PCDH7: variants seen among roughly 807,000 people sequenced by gnomAD.
PCDH7 encodes protocadherin-7.
A neutral mutation model predicts 58.9 loss-of-function variants in PCDH7; 17 were observed. That is an observed-to-expected ratio of 0.29 (90% CI 0.20 to 0.43). The LOEUF is 0.43. Among genes scored for constraint, PCDH7 ranks in the 20% least tolerant of loss-of-function variants. The pLI, the probability that PCDH7 is intolerant of heterozygous loss-of-function variation, is 1.00. For missense variants in PCDH7, 1,274 were observed against 1,441.0 expected, an observed-to-expected ratio of 0.88 and a Z score of 1.88; for synonymous variants, 664 against 616.4, an observed-to-expected ratio of 1.08 and a Z score of -1.14.
At chr4:30,744,829 G>C (rs1465402630) in intron 1 of PCDH7, among the ~76,000 whole-genome samples, 2 of 152,166 alleles carry the variant, frequency 1.3e-5, no homozygotes, top group East Asian at 3.9e-4. Context: ...ATTGCTAATG[G>C]ATTAATTCTT....
At chr4:31,009,680 A>G (rs1177573557) in intron 3 of PCDH7, among the ~76,000 whole-genome samples, 1 of 151,896 alleles carries the variant, frequency 6.6e-6, no homozygotes, top group Non-Finnish European at 1.5e-5. Flanking sequence ...TCTACACAGC[A>G]AGAATGTAGG....
intron 3 of PCDH7, among the ~76,000 whole-genome samples, chr4:31,022,544 G>T (rs1463562588): frequency 6.6e-6 from 1 of 152,090 alleles, no homozygotes; most frequent in African/African-American, 2.4e-5. Context: ...TAATTGAAAC[G>T]TACTCTTGGA....
intron 1 of PCDH7, among the ~76,000 whole-genome samples, chr4:30,845,457 C>G (rs187545187): frequency 2.1e-3 from 316 of 152,178 alleles, no homozygotes; most frequent in Middle Eastern, 0.01. Flanking sequence ...TATAATACAT[C>G]TAAATATTAT....
chr4:31,031,538 G>A (rs1355078839), intron 3 of PCDH7, among the ~76,000 whole-genome samples: 2 of 152,210 alleles, frequency 1.3e-5, no homozygotes, highest in African/African-American at 4.8e-5. Context: ...GATAGTTTAT[G>A]AATGGATGCG....
At chr4:30,899,188 A>G (rs1739869778) in intron 1 of PCDH7, among the ~76,000 whole-genome samples, 1 of 152,142 alleles carries the variant, frequency 6.6e-6, no homozygotes, top group African/African-American at 2.4e-5. Context: ...TTTACGCTAC[A>G]GATTTTGAGA....
intron 1 of PCDH7, among the ~76,000 whole-genome samples, chr4:30,897,278 C>G (rs1739574934): frequency 6.6e-6 from 1 of 152,130 alleles, no homozygotes; most frequent in Non-Finnish European, 1.5e-5. Flanking sequence ...ATTGAAAGTG[C>G]TTCGAAGATA....
At chr4:31,019,046 T>G (rs1480428677) in intron 3 of PCDH7, among the ~76,000 whole-genome samples, 1 of 152,164 alleles carries the variant, frequency 6.6e-6, no homozygotes, top group Non-Finnish European at 1.5e-5. Context: ...GAAATATGTA[T>G]CACAGGTAAA....
At chr4:30,798,501 G>T (rs1016672658) in intron 1 of PCDH7, among the ~76,000 whole-genome samples, 4 of 152,102 alleles carry the variant, frequency 2.6e-5, no homozygotes, top group African/African-American at 9.7e-5. Flanking sequence ...TTAAGTTGAG[G>T]AATAAGTATA....
At chr4:30,860,978 G>T (rs1203224705) in intron 1 of PCDH7, among the ~76,000 whole-genome samples, 3 of 152,002 alleles carry the variant, frequency 2.0e-5, no homozygotes, top group Admixed American at 6.6e-5. Flanking sequence ...AACTATTTTT[G>T]GATCTATATA....
chr4:30,746,739 T>C (rs1202461804), intron 1 of PCDH7, among the ~76,000 whole-genome samples: 1 of 152,222 alleles, frequency 6.6e-6, no homozygotes, highest in Non-Finnish European at 1.5e-5. Flanking sequence ...GAAAATTGAC[T>C]TGATGCCAAA....
chr4:30,941,565 G>A (rs1746043514), intron 2 of PCDH7, among the ~76,000 whole-genome samples: 1 of 151,940 alleles, frequency 6.6e-6, no homozygotes, highest in Non-Finnish European at 1.5e-5. Flanking sequence ...GAGGTAACAA[G>A]TTGTAAAAAC....
intron 1 of PCDH7, among the ~76,000 whole-genome samples, chr4:30,739,255 C>T (rs1716757433): frequency 6.7e-6 from 1 of 148,924 alleles, no homozygotes; most frequent in Admixed American, 6.7e-5. Context: ...AGGGGAAATT[C>T]CTCCTTCTTT....
intron 1 of PCDH7, among the ~76,000 whole-genome samples, chr4:30,750,805 G>A (rs902102056): frequency 1.3e-5 from 2 of 151,990 alleles, no homozygotes; most frequent in African/African-American, 2.4e-5. Context: ...AGTGTAACGC[G>A]AAAGACAGTC....
intron 1 of PCDH7, among the ~76,000 whole-genome samples, chr4:30,835,235 A>G (rs952112475): frequency 1.3e-5 from 2 of 152,004 alleles, no homozygotes; most frequent in African/African-American, 4.8e-5. Context: ...CGGGCCACGA[A>G]CCGGTCCAGG....
chr4:30,729,424 G>A (rs1280586220), intron 1 of PCDH7, among the ~76,000 whole-genome samples: 1 of 151,820 alleles, frequency 6.6e-6, no homozygotes, highest in South Asian at 2.1e-4. Context: ...AAAATTTACA[G>A]AATTTTAAAG....
intron 3 of PCDH7, among the ~76,000 whole-genome samples, chr4:31,047,422 T>C (rs940550223): frequency 6.6e-6 from 1 of 152,080 alleles, no homozygotes; most frequent in Non-Finnish European, 1.5e-5. Flanking sequence ...TTGGGTCATG[T>C]ACAGCTGTAT....
intron 1 of PCDH7, among the ~76,000 whole-genome samples, chr4:30,807,720 C>T (rs1165023024): frequency 2.0e-5 from 3 of 151,798 alleles, no homozygotes; most frequent in Non-Finnish European, 2.9e-5. Context: ...AAAGGGCTAA[C>T]CCAGCACATA....
chr4:30,740,926 T>G (rs1226310895), intron 1 of PCDH7, among the ~76,000 whole-genome samples: 1 of 152,144 alleles, frequency 6.6e-6, no homozygotes, highest in Non-Finnish European at 1.5e-5. Context: ...AGCTAAAGTG[T>G]ACATAAGCAA....
intron 3 of PCDH7, among the ~76,000 whole-genome samples, chr4:31,125,726 CTG>C (rs978816969): frequency 6.6e-6 from 1 of 152,198 alleles, no homozygotes; most frequent in Admixed American, 6.5e-5. Flanking sequence ...TCACAGTGCA[CTG>C]TGTTGTCAGA....
Sources: gnomAD v4.1 joint callset for allele counts (sites outside exome capture counted in the v4.1 genomes callset) on GRCh38, gnomAD v4.1.1 for gene constraint, MANE v1.5 for transcripts, NCBI Gene and HGNC (gene_info 2026-07-23, HGNC 2026-07-21) for gene names.